The following TBL1X variants were observed in gnomAD, a reference collection of about 807,000 sequenced individuals.
TBL1X encodes F-box-like/WD repeat-containing protein TBL1X.
TBL1X carries 10 observed loss-of-function variants against 50.7 expected under a neutral mutation model. That is an observed-to-expected ratio of 0.20 (90% confidence interval 0.12 to 0.33). The LOEUF is 0.33. Among genes scored for constraint, TBL1X ranks in the 10% least tolerant of loss-of-function variants. TBL1X has a pLI of 1.00. For synonymous variants in TBL1X, 190 were observed against 214.7 expected (o/e 0.88, Z 1.01); for missense variants, 340 against 504.4 (o/e 0.67, Z 3.12).
At chrX:9,503,953 C>T (rs1318995850) in intron 2 of TBL1X, among the ~76,000 whole-genome samples, 1 of 111,923 alleles carries the variant, frequency 8.9e-6, no homozygotes, top group African/African-American at 3.2e-5. Context: ...CTCCATTAAA[C>T]GGGTCCTGCT....
chrX:9,697,819 G>A (rs777824491), intron 12 of TBL1X, among the ~76,000 whole-genome samples: 5 of 111,883 alleles, frequency 4.5e-5, no homozygotes, highest in African/African-American at 1.6e-4. Flanking sequence ...CACTGTGGCT[G>A]ATGCCTGTAA....
rs1256436207 is a variant in TBL1X at position 9,491,332 on chromosome X, A to T, written c.-200-10448A>T. ...TATATATATATATATATATATATAT[A>T]TATATATTTTTTTTTTTTTTTTCTT... On this transcript the variant is annotated intron_variant, in intron 1 of 17. Coordinates refer to ENST00000645353, the MANE Select transcript of TBL1X (RefSeq NM_005647.4). Among the ~76,000 whole-genome samples the T allele has an allele frequency of 5.1e-3, 118 of 23,173 alleles. 2 individuals carry two copies. The highest frequency in any genetic ancestry group is 0.021 in the African/African-American group (116 of 5,491). 20.1% of individuals were successfully genotyped at this position (23,173 alleles called of 115,157 possible).
chrX:9,645,689 T>C lies in TBL1X; in HGVS notation c.-43+5329T>C, dbSNP rs558580713. ...GGGAAATTTTTTACTTTGCGGGGAA[T>C]ATTTTCGTACTGAAAGTATTGTATA... On this transcript the variant is annotated intron_variant, in intron 3 of 17. Coordinates refer to ENST00000645353, the MANE Select transcript of TBL1X (RefSeq NM_005647.4). 4.5e-4 allele frequency among the ~76,000 whole-genome samples: 50 copies of C among 112,191 alleles called. 1 individual carries two copies. The South Asian group carries it at 0.019, about 42-fold the overall frequency.
chrX:9,520,705 G>A (rs1239966203), intron 2 of TBL1X, among the ~76,000 whole-genome samples: 1 of 111,404 alleles, frequency 9.0e-6, no homozygotes, highest in African/African-American at 3.3e-5. Context: ...GGTCCTCCTT[G>A]CAGATAAGGG....
chrX:9,492,101 G>T (rs1477198743), intron 1 of TBL1X, among the ~76,000 whole-genome samples: 1 of 111,842 alleles, frequency 8.9e-6, no homozygotes, highest in Non-Finnish European at 1.9e-5. Flanking sequence ...TCTTTAAGGG[G>T]GTGTTAGTAT....
At chrX:9,464,317 C>T (rs950851994), upstream of TBL1X, among the ~76,000 whole-genome samples, 1 of 111,251 alleles carries the variant, frequency 9.0e-6, no homozygotes, top group East Asian at 2.9e-4. Context: ...GTGCCCAGGT[C>T]CCCCCAACCT....
intron 2 of TBL1X, among the ~76,000 whole-genome samples, chrX:9,546,463 G>A (rs188198476): frequency 5.4e-5 from 6 of 111,051 alleles, no homozygotes; most frequent in Non-Finnish European, 1.1e-4. Context: ...GCAGGGAGTC[G>A]AGATTGCACC....
At chrX:9,649,866 G>A (rs2082824224) in intron 3 of TBL1X, among the ~76,000 whole-genome samples, 1 of 111,895 alleles carries the variant, frequency 8.9e-6, no homozygotes, top group South Asian at 3.8e-4. Flanking sequence ...ATGGCTCACT[G>A]CAGCCTCAGC....
chrX:9,556,501 A>T (rs2082300517), intron 2 of TBL1X, among the ~76,000 whole-genome samples: 1 of 109,122 alleles, frequency 9.2e-6, no homozygotes, highest in Non-Finnish European at 1.9e-5. Flanking sequence ...CTCTCTAAAA[A>T]AAAAAAAGCC....
At chrX:9,621,338 T>C (rs952942439) in intron 2 of TBL1X, among the ~76,000 whole-genome samples, 1 of 112,094 alleles carries the variant, frequency 8.9e-6, no homozygotes, top group African/African-American at 3.2e-5. Flanking sequence ...TCCAAAATCA[T>C]TTAACACCTC....
intron 2 of TBL1X, among the ~76,000 whole-genome samples, chrX:9,607,105 G>A (rs750731035): frequency 5.4e-4 from 61 of 112,151 alleles, no homozygotes; most frequent in African/African-American, 1.9e-3. Flanking sequence ...CTGTCCACTC[G>A]TTCATTGGGC....
At chrX:9,529,566 C>G (rs1484975253) in intron 2 of TBL1X, among the ~76,000 whole-genome samples, 1 of 111,121 alleles carries the variant, frequency 9.0e-6, no homozygotes, top group Non-Finnish European at 1.9e-5. Context: ...AGCAGCTGTG[C>G]GCCTTGTTTC....
intron 5 of TBL1X, among the ~76,000 whole-genome samples, chrX:9,674,681 C>CT (rs2082981822): frequency 6.4e-4 from 2 of 3,110 alleles, no homozygotes; most frequent in African/African-American, 1.2e-3. Context: ...CCCGCCTCAG[C>CT]CCCCCCCCCC....
intron 5 of TBL1X, among the ~76,000 whole-genome samples, chrX:9,674,510 C>T (rs1026512254): frequency 1.8e-5 from 2 of 111,483 alleles, no homozygotes; most frequent in Non-Finnish European, 3.8e-5. Flanking sequence ...GATTCACCCA[C>T]CTTCGCCTCC....
chrX:9,584,219 A>T (rs1454290866), intron 2 of TBL1X, among the ~76,000 whole-genome samples: 1 of 112,348 alleles, frequency 8.9e-6, no homozygotes, highest in Non-Finnish European at 1.9e-5. Context: ...GATTTAGCTC[A>T]TGGACATAGT....
In TBL1X at chrX:9,714,994, C is replaced by T. The variant is rs771230797; in HGVS notation, c.1698C>T (p.Ser566=). Reference sequence around the variant, plus strand: ...GAGACAAAGTGGGTGCCAGCGCGTCCGACGGCTCTGTAAGCAACACCTCTG... The same window carrying T: ...GAGACAAAGTGGGTGCCAGCGCGTCTGACGGCTCTGTAAGCAACACCTCTG... ...ARGDKVGASA[S]DGSVCVLDLR... The change falls in exon 17 of 18, where the codon TCC becomes TCT. Residue 566 remains serine, a synonymous_variant. Transcript: ENST00000645353. The T allele has an allele frequency of 2.2e-5, 27 of 1,208,172 alleles. No homozygotes were observed. The highest frequency in any genetic ancestry group is 7.0e-5 in the African/African-American group (4 of 57,194).
chrX:9,532,169 T>G (rs1242308760), intron 2 of TBL1X, among the ~76,000 whole-genome samples: 1 of 111,531 alleles, frequency 9.0e-6, no homozygotes, highest in African/African-American at 3.3e-5. Context: ...GGGTGGACAT[T>G]TAGTCTGCAT....
rs2083070974 is a variant in TBL1X at position 9,687,995 on chromosome X, G to A, written c.358-22G>A. On this transcript the variant is annotated intron_variant, in intron 6 of 17. Transcript: ENST00000645353. Reference sequence around the variant, plus strand: ...CCCTCACCCCCGTGAGCTGACAGCTGTACCTTGGCTTGCTTCCCCAGGATG... The same window carrying A: ...CCCTCACCCCCGTGAGCTGACAGCTATACCTTGGCTTGCTTCCCCAGGATG... The A allele has an allele frequency of 2.5e-6, 3 of 1,192,580 alleles. No homozygotes were observed. The African/African-American group carries it at 5.3e-5, about 21-fold the overall frequency.
intron 7 of TBL1X, among the ~76,000 whole-genome samples, chrX:9,690,408 T>A (rs1005787129): frequency 9.0e-6 from 1 of 111,612 alleles, no homozygotes; most frequent in Admixed American, 9.5e-5. Context: ...AGAGACTGTC[T>A]TCTCTCCATG....
Sources: allele counts gnomAD v4.1 joint callset (sites outside exome capture counted in the v4.1 genomes callset), GRCh38; gene constraint gnomAD v4.1.1; transcripts MANE v1.5; gene names NCBI Gene and HGNC (gene_info 2026-07-23, HGNC 2026-07-21).